ZBBX: variants seen among roughly 807,000 people sequenced by gnomAD.
ZBBX encodes zinc finger B-box domain containing.
In ZBBX, 101 loss-of-function variants were observed where a neutral mutation model predicts 108.5. The observed-to-expected ratio is 0.93, with a 90% confidence interval of 0.79 to 1.10. ZBBX has a LOEUF of 1.10. Ranked by LOEUF, ZBBX falls within the 50% of genes least tolerant of loss-of-function variation. The pLI is 0.00. For synonymous variants in ZBBX, 356 were observed against 323.4 expected, an observed-to-expected ratio of 1.10 and a Z score of -1.08; for missense variants, 1,009 against 941.4, an observed-to-expected ratio of 1.07 and a Z score of -0.94.
the ZBBX span, among the ~76,000 whole-genome samples, chr3:167,201,435 T>C: frequency 6.6e-6 from 1 of 152,136 alleles, no homozygotes; most frequent in Non-Finnish European, 1.5e-5. Flanking sequence ...TATTCCTCAT[T>C]GAACAGTTAA....
chr3:167,179,162 C>T, the ZBBX span, among the ~76,000 whole-genome samples: 1 of 152,112 alleles, frequency 6.6e-6, no homozygotes. Flanking sequence ...GGTGTCCACA[C>T]ATACATGTAC....
chr3:167,339,862 C>T (rs1027558672), intron 9 of ZBBX, among the ~76,000 whole-genome samples: 1 of 151,982 alleles, frequency 6.6e-6, no homozygotes, highest in African/African-American at 2.4e-5. Context: ...TTGTTTCATT[C>T]CCTGTGTCCA....
the ZBBX span, among the ~76,000 whole-genome samples, chr3:167,203,104 G>GA: frequency 2.0e-5 from 3 of 151,972 alleles, no homozygotes; most frequent in Admixed American, 6.6e-5. Flanking sequence ...CAAACTAGCT[G>GA]ACCTAAAAAA....
chr3:167,270,057 A>G (rs1560049414), intron 20 of ZBBX, among the ~76,000 whole-genome samples: 2 of 152,224 alleles, frequency 1.3e-5, no homozygotes, highest in Admixed American at 1.3e-4. Context: ...GCATACATGC[A>G]TGCTCCAATA....
chr3:167,395,536 C>T lies in ZBBX; in HGVS notation c.-446+12190G>A, dbSNP rs530706750. Among the ~76,000 whole-genome samples the T allele has an allele frequency of 2.0e-5, 3 of 152,096 alleles. 1 individual carries two copies. In the South Asian group the frequency reaches 6.2e-4, roughly 32 times the overall value. Reference sequence around the variant, plus strand: ...CAACAATGGACAGATTCTTAGCATTCATTTATAAAATATCAGCAATAGTGA... The same window carrying T: ...CAACAATGGACAGATTCTTAGCATTTATTTATAAAATATCAGCAATAGTGA... On this transcript the variant is annotated intron_variant, in intron 1 of 21. Transcript: ENST00000455345.
chr3:167,365,294 A>G (rs571857321), intron 6 of ZBBX, among the ~76,000 whole-genome samples: 5 of 151,822 alleles, frequency 3.3e-5, no homozygotes, highest in Non-Finnish European at 7.4e-5. Flanking sequence ...ATCTTGCACT[A>G]AAGAATCCAG....
chr3:167,354,199 C>A (rs1233578162), intron 8 of ZBBX, among the ~76,000 whole-genome samples: 2 of 151,748 alleles, frequency 1.3e-5, no homozygotes, highest in East Asian at 3.9e-4. Context: ...TGACTATGAG[C>A]TTCCTAGCAT....
intron 20 of ZBBX, among the ~76,000 whole-genome samples, chr3:167,279,693 A>C (rs1049061022): frequency 4.6e-5 from 7 of 152,062 alleles, no homozygotes; most frequent in Admixed American, 3.9e-4. Context: ...TATAGATTCA[A>C]TGCCATCCCC....
chr3:167,330,864 G>GAA (rs1490885776), intron 10 of ZBBX, among the ~76,000 whole-genome samples: 2,123 of 81,132 alleles, frequency 0.026, 27 homozygotes, highest in African/African-American at 0.055. Flanking sequence ...AGGAGGAGGA[G>GAA]GAGGAGGAGA....
intron 8 of ZBBX, among the ~76,000 whole-genome samples, chr3:167,357,120 T>C (rs1194872532): frequency 6.6e-6 from 1 of 152,140 alleles, no homozygotes; most frequent in Non-Finnish European, 1.5e-5. Flanking sequence ...AGATAGGGTC[T>C]TTAAAGCCAA....
intron 2 of ZBBX, among the ~76,000 whole-genome samples, chr3:167,374,931 C>T (rs560969043): frequency 2.0e-5 from 3 of 152,106 alleles, no homozygotes; most frequent in African/African-American, 7.2e-5. Flanking sequence ...TGAATAGTTA[C>T]ACTTGCTTGG....
At chr3:167,329,029 G>A (rs370079234) in intron 10 of ZBBX, among the ~76,000 whole-genome samples, 1 of 152,198 alleles carries the variant, frequency 6.6e-6, no homozygotes, top group African/African-American at 2.4e-5. Context: ...CTGGCACAAA[G>A]TAGGTGTTCA....
chr3:167,360,796 T>C, intron 6 of ZBBX, 73 bp from the exon 7 acceptor site: 1 of 915,938 alleles, frequency 1.1e-6, no homozygotes, highest in Non-Finnish European at 1.5e-6. Context: ...AACAAAAATA[T>C]TAGAAAGCTG....
In ZBBX at chr3:167,379,725, C is replaced by T. The variant is rs1046905677; in HGVS notation, c.-219G>A. ...AGGAATCGGGCACCCCGCACCATAGCCCTTACTTGTGAGGAGTAGACTTCA... is the reference window on the plus strand; with the variant it reads ...AGGAATCGGGCACCCCGCACCATAGTCCTTACTTGTGAGGAGTAGACTTCA... On this transcript the variant is annotated 5_prime_UTR_variant, in exon 2 of 22. Transcript: ENST00000675490. The T allele has an allele frequency of 1.3e-5, 2 of 152,100 alleles. No homozygotes were observed. The highest frequency in any genetic ancestry group is 6.5e-5 in the Admixed American group (1 of 15,274). 9.4% of individuals were successfully genotyped at this position (152,100 alleles called of 1,614,324 possible).
intron 1 of ZBBX, among the ~76,000 whole-genome samples, chr3:167,386,900 A>G (rs1176235399): frequency 6.6e-6 from 1 of 152,048 alleles, no homozygotes; most frequent in Non-Finnish European, 1.5e-5. Flanking sequence ...TGAGATGTCT[A>G]ACAGTAATTT....
At chr3:167,304,279 C>T (rs769012799) in intron 17 of ZBBX, among the ~76,000 whole-genome samples, 3 of 152,116 alleles carry the variant, frequency 2.0e-5, no homozygotes, top group Non-Finnish European at 4.4e-5. Context: ...TGTAAAAGAT[C>T]GGGTTTCTTA....
intron 10 of ZBBX, among the ~76,000 whole-genome samples, chr3:167,330,859 GAGGAGGAGGAGGAGAAGA>G (rs1323688881): frequency 0.063 from 1,493 of 23,862 alleles, 28 homozygotes; most frequent in African/African-American, 0.11. Flanking sequence ...GGAGGAGGAG[GAGGAGGAGGAGGAGAAGA>G]AGAAGAAGAA....
chr3:167,406,574 A>G (rs1748595396), intron 1 of ZBBX, among the ~76,000 whole-genome samples: 1 of 152,230 alleles, frequency 6.6e-6, no homozygotes, highest in African/African-American at 2.4e-5. Flanking sequence ...CAAAAGAATT[A>G]GCCAGTCACA....
intron 21 of ZBBX, among the ~76,000 whole-genome samples, chr3:167,242,160 A>G (rs1392630181): frequency 6.6e-6 from 1 of 152,212 alleles, no homozygotes; most frequent in Non-Finnish European, 1.5e-5. Context: ...GATTCTATTA[A>G]TACAAAGTAT....
Sources: allele counts gnomAD v4.1 joint callset (sites outside exome capture counted in the v4.1 genomes callset), GRCh38; gene constraint gnomAD v4.1.1; transcripts MANE v1.5; gene names NCBI Gene and HGNC (gene_info 2026-07-23, HGNC 2026-07-21).